PDE3A: variants seen among roughly 807,000 people sequenced by gnomAD.
PDE3A encodes the protein phosphodiesterase 3A, also known as cGMP-inhibited 3',5'-cyclic phosphodiesterase 3A.
Under a neutral mutation model 98.3 loss-of-function variants are expected in PDE3A, and 43 were observed. The ratio of observed to expected loss-of-function variants is 0.44; its 90% CI spans 0.34 to 0.56. The LOEUF is 0.56. PDE3A is among the 20% of genes least tolerant of loss of function. The probability of loss-of-function intolerance (pLI) is 0.01; values close to 1 mark genes in which losing one functional copy is unlikely to be tolerated. For synonymous variants in PDE3A, 663 were observed against 567.9 expected (o/e 1.17, Z -2.38); for missense variants, 1,427 against 1,440.7 (o/e 0.99, Z 0.15).
chr12:20,436,841 G>A (rs370041730), intron 1 of PDE3A, among the ~76,000 whole-genome samples: 2 of 152,272 alleles, frequency 1.3e-5, no homozygotes, highest in East Asian at 1.9e-4. Flanking sequence ...CCTTTTACAT[G>A]TAATTGCGAA....
chr12:20,505,691 G>A (rs1040462794), intron 1 of PDE3A, among the ~76,000 whole-genome samples: 3 of 151,934 alleles, frequency 2.0e-5, no homozygotes, highest in African/African-American at 7.2e-5. Flanking sequence ...TCCTGTTGAT[G>A]GTCTCACTAT....
intron 1 of PDE3A, among the ~76,000 whole-genome samples, chr12:20,437,281 C>G (rs184785397): frequency 1.3e-5 from 2 of 152,084 alleles, no homozygotes; most frequent in African/African-American, 4.8e-5. Flanking sequence ...CATTTGGGAA[C>G]CTGTGTTGCA....
intron 2 of PDE3A, among the ~76,000 whole-genome samples, chr12:20,575,295 G>T (rs528717718): frequency 6.6e-6 from 1 of 151,948 alleles, no homozygotes; most frequent in African/African-American, 2.4e-5. Context: ...GTAAATTTCA[G>T]CTTACCTAAT....
chr12:20,514,922 A>G (rs1020131108), intron 1 of PDE3A, among the ~76,000 whole-genome samples: 1 of 152,234 alleles, frequency 6.6e-6, no homozygotes, highest in African/African-American at 2.4e-5. Context: ...TAACTTATAA[A>G]GAACAGAAAT....
At chr12:20,393,827 G>A (rs938764157) in intron 1 of PDE3A, among the ~76,000 whole-genome samples, 6 of 151,974 alleles carry the variant, frequency 3.9e-5, no homozygotes, top group Admixed American at 1.3e-4. Flanking sequence ...TCTTCTACAA[G>A]GGTGATTATC....
chr12:20,574,633 C>T (rs1592071317), intron 2 of PDE3A, among the ~76,000 whole-genome samples: 1 of 151,826 alleles, frequency 6.6e-6, no homozygotes, highest in Non-Finnish European at 1.5e-5. Flanking sequence ...GCTCCCACCA[C>T]CACCAGCTCC....
chr12:20,525,789 G>A (rs2121167552), intron 1 of PDE3A, among the ~76,000 whole-genome samples: 1 of 152,224 alleles, frequency 6.6e-6, no homozygotes, highest in African/African-American at 2.4e-5. Context: ...AAAAGTATGA[G>A]AGGATAAAGG....
At chr12:20,660,415 T>C (rs958890142) in intron 15 of PDE3A, among the ~76,000 whole-genome samples, 1 of 152,146 alleles carries the variant, frequency 6.6e-6, no homozygotes, top group Non-Finnish European at 1.5e-5. Flanking sequence ...TGGAACACAG[T>C]AACAGGCAGA....
chr12:20,379,235 A>G (rs1158121308), intron 1 of PDE3A, among the ~76,000 whole-genome samples: 2 of 151,852 alleles, frequency 1.3e-5, no homozygotes, highest in Non-Finnish European at 1.5e-5. Context: ...GCCCATTTTT[A>G]AGCTAGCATG....
chr12:20,507,990 C>T lies in PDE3A; in HGVS notation c.961-48670C>T, dbSNP rs1213739904. ...CTGCTCAAAACCCTCCAATGGCTCCCGTGTTAGACCTTACAGTTGCCTACA... is the reference window on the plus strand; with the variant it reads ...CTGCTCAAAACCCTCCAATGGCTCCTGTGTTAGACCTTACAGTTGCCTACA... On this transcript the variant is annotated intron_variant, in intron 1 of 15. Transcript: ENST00000359062. Among the ~76,000 whole-genome samples, 4 of 152,064 alleles carry T rather than the reference C, an allele frequency of 2.6e-5. No individual in the cohort carries two copies. The South Asian group carries it at 6.2e-4, about 24-fold the overall frequency.
intron 1 of PDE3A, among the ~76,000 whole-genome samples, chr12:20,420,186 A>G (rs1944488503): frequency 6.6e-6 from 1 of 152,158 alleles, no homozygotes; most frequent in South Asian, 2.1e-4. Context: ...CTATTTCCAA[A>G]GGGCTTGGGT....
chr12:20,577,729 CTTCTT>C (rs1301735193), intron 2 of PDE3A, among the ~76,000 whole-genome samples: 2 of 152,142 alleles, frequency 1.3e-5, no homozygotes, highest in Non-Finnish European at 2.9e-5. Flanking sequence ...ACTATCTCTT[CTTCTT>C]TTATTTTGTG....
At chr12:20,419,736 G>GTGTT (rs1355196559) in intron 1 of PDE3A, among the ~76,000 whole-genome samples, 4 of 53,106 alleles carry the variant, frequency 7.5e-5, no homozygotes, top group African/African-American at 2.4e-4. Flanking sequence ...ATTTAATATT[G>GTGTT]TATTTTTTTT....
intron 1 of PDE3A, chr12:20,450,157 T>C: frequency 2.7e-6 from 1 of 373,616 alleles, no homozygotes; most frequent in Non-Finnish European, 5.1e-6. Flanking sequence ...TATTATGCTT[T>C]ATTTTGTTGA....
At position 20,583,570 on chromosome 12, in the gene PDE3A, A is replaced by G. The variant is rs374743358; in HGVS notation, c.1011+26860A>G. Among the ~76,000 whole-genome samples the G allele has an allele frequency of 1.6e-3, 249 of 152,254 alleles. 1 individual carries two copies. Among genetic ancestry groups the G allele is most frequent in the African/African-American group, 5.6e-3 (232 of 41,544 alleles). On this transcript the variant is annotated intron_variant, in intron 2 of 15. Transcript: ENST00000359062. ...CAGACTGCCTGGGATCACTTACTAG[A>G]TGGGAGACCTTGGGCAACTTACTTA...
rs1946017401 is a variant in PDE3A, at chr12:20,687,919, A to AAAAAAAAAAAAAAAAAC, written c.*7664_*7665insCAAAAAAAAAAAAAAAA. 6.7e-6 allele frequency among the ~76,000 whole-genome samples: 1 copy of AAAAAAAAAAAAAAAAAC among 149,868 alleles called. No homozygotes were observed. The highest frequency in any genetic ancestry group is 2.4e-5 in the African/African-American group (1 of 41,016). On this transcript the variant is annotated 3_prime_UTR_variant, in exon 16 of 16. Coordinates refer to ENST00000359062, the MANE Select transcript of PDE3A (RefSeq NM_000921.5). ...GTCATTACCTCTTCCCAACAGAAAA[A>AAAAAAAAAAAAAAAAAC]AAAAAAAAAAAAAAAAAACTGGCAT...
intron 2 of PDE3A, among the ~76,000 whole-genome samples, chr12:20,588,582 A>T (rs933535518): frequency 6.6e-6 from 1 of 152,200 alleles, no homozygotes; most frequent in Non-Finnish European, 1.5e-5. Flanking sequence ...GATTCCGTGA[A>T]TTGACCCCAA....
chr12:20,652,939 A>G (rs1482247849), intron 14 of PDE3A, among the ~76,000 whole-genome samples: 1 of 152,214 alleles, frequency 6.6e-6, no homozygotes, highest in East Asian at 1.9e-4. Context: ...TCATGAAATC[A>G]TGTATTGCCT....
intron 1 of PDE3A, among the ~76,000 whole-genome samples, chr12:20,429,348 A>C (rs1944656174): frequency 6.6e-6 from 1 of 152,038 alleles, no homozygotes; most frequent in Non-Finnish European, 1.5e-5. Flanking sequence ...TATTCTTTTG[A>C]CTGTGTTTTC....
Sources: gnomAD v4.1 joint callset for allele counts (sites outside exome capture counted in the v4.1 genomes callset) on GRCh38, gnomAD v4.1.1 for gene constraint, MANE v1.5 for transcripts, NCBI Gene and HGNC (gene_info 2026-07-23, HGNC 2026-07-21) for gene names.